Variants in CABIN1 observed in about 807,000 individuals in gnomAD.
The protein encoded by CABIN1 is calcineurin binding protein 1.
A neutral mutation model predicts 227.7 loss-of-function variants in CABIN1; 133 were observed. That is an observed-to-expected ratio of 0.58 (90% CI 0.51 to 0.67). The LOEUF (loss-of-function observed/expected upper bound fraction) is 0.67. Ranked by LOEUF, CABIN1 falls within the 30% of genes least tolerant of loss-of-function variation. The pLI, the probability that CABIN1 is intolerant of heterozygous loss-of-function variation, is 0.00. For missense variants in CABIN1, 2,408 were observed against 2,852.5 expected, an observed-to-expected ratio of 0.84 and a Z score of 3.55; for synonymous variants, 1,086 against 1,155.1, an observed-to-expected ratio of 0.94 and a Z score of 1.21.
chr22:24,074,339 AAAAG>A (rs1569171480), intron 18 of CABIN1, among the ~76,000 whole-genome samples: 1 of 152,216 alleles, frequency 6.6e-6, no homozygotes, highest in Non-Finnish European at 1.5e-5. Flanking sequence ...TTGGAAAGGA[AAAAG>A]AAAGAAAAGA....
At chr22:24,114,053 C>T (rs2042949414) in intron 27 of CABIN1, among the ~76,000 whole-genome samples, 1 of 145,470 alleles carries the variant, frequency 6.9e-6, no homozygotes, top group African/African-American at 2.7e-5. Flanking sequence ...TCAGTGTGCT[C>T]TGTTTTTGTT....
chr22:24,143,464 G>A (rs922362704), intron 29 of CABIN1, among the ~76,000 whole-genome samples: 3 of 152,214 alleles, frequency 2.0e-5, no homozygotes, highest in Non-Finnish European at 4.4e-5. Flanking sequence ...CCCCCTTTTG[G>A]TGTGGCTCCA....
intron 15 of CABIN1, among the ~76,000 whole-genome samples, chr22:24,064,799 C>T (rs2039486995): frequency 6.6e-6 from 1 of 152,024 alleles, no homozygotes; most frequent in Non-Finnish European, 1.5e-5. Flanking sequence ...CCTGAGTGGA[C>T]ACAGCACATG....
intron 29 of CABIN1, among the ~76,000 whole-genome samples, chr22:24,150,315 T>C (rs1440522613): frequency 6.6e-6 from 1 of 152,142 alleles, no homozygotes; most frequent in Non-Finnish European, 1.5e-5. Context: ...GCTTGGGAGC[T>C]CTCCTGGAGG....
intron 20 of CABIN1, among the ~76,000 whole-genome samples, chr22:24,084,169 T>C (rs747162332): frequency 1.3e-5 from 2 of 152,212 alleles, no homozygotes; most frequent in Non-Finnish European, 2.9e-5. Flanking sequence ...TGGTTTCTAA[T>C]GTCTGTCTTT....
intron 12 of CABIN1, among the ~76,000 whole-genome samples, chr22:24,060,826 G>A (rs904700157): frequency 5.3e-5 from 8 of 152,168 alleles, no homozygotes; most frequent in African/African-American, 1.7e-4. Context: ...TGTGAACCCG[G>A]GAGGCGGAGC....
intron 28 of CABIN1, among the ~76,000 whole-genome samples, chr22:24,133,190 G>T (rs1259922470): frequency 1.3e-5 from 2 of 152,206 alleles, no homozygotes; most frequent in Non-Finnish European, 2.9e-5. Flanking sequence ...CCAGTGTTCA[G>T]GAGCAGCCCT....
rs2046815561 is a variant in CABIN1, at chr22:24,171,606, A to G, written c.5758-107A>G. On this transcript the variant is annotated intron_variant, in intron 33 of 36. Transcript: ENST00000263119. ...CCATATGGGCAGTGTTGGCAGCCCC[A>G]GGCGCACAGGATGTCCTGTGGGACA... 3.7e-6 allele frequency: 5 copies of G among 1,333,472 alleles called. No homozygotes were observed. In the Admixed American group the frequency reaches 5.3e-5, roughly 14 times the overall value. 82.6% of individuals were successfully genotyped at this position (1,333,472 alleles called of 1,614,324 possible). A position where few individuals can be genotyped will look rare whatever the true frequency, so the allele number is the denominator to read the frequency against.
At chr22:24,028,026 C>T (rs1246956082) in intron 1 of CABIN1, among the ~76,000 whole-genome samples, 1 of 151,432 alleles carries the variant, frequency 6.6e-6, no homozygotes, top group Admixed American at 6.6e-5. Context: ...GAATATCTAT[C>T]ACAATAAAGC....
chr22:24,096,788 A>G (rs1360247156), intron 25 of CABIN1, among the ~76,000 whole-genome samples: 1 of 152,216 alleles, frequency 6.6e-6, no homozygotes, highest in African/African-American at 2.4e-5. Context: ...CAGGGTCACC[A>G]CCTGCCAGCT....
At chr22:24,066,891 C>A in intron 15 of CABIN1, 96 bp from the exon 16 acceptor site, 2 of 1,169,446 alleles carry the variant, frequency 1.7e-6, no homozygotes, top group East Asian at 2.4e-5. Context: ...TTTTTATTCT[C>A]CTCATCCAAG....
intron 1 of CABIN1, among the ~76,000 whole-genome samples, chr22:24,028,376 T>G (rs910330163): frequency 1.3e-5 from 2 of 152,188 alleles, no homozygotes; most frequent in Non-Finnish European, 2.9e-5. Flanking sequence ...ATGAGAATGC[T>G]CCTCCTCGTA....
chr22:24,165,506 C>CT, intron 30 of CABIN1, 24 bp from the exon 31 acceptor site: 1 of 1,605,478 alleles, frequency 6.2e-7, no homozygotes, highest in Non-Finnish European at 8.5e-7. Flanking sequence ...CCTGTCCTCT[C>CT]TGACTACCCC....
chr22:24,050,936 G>C lies in CABIN1; in HGVS notation c.768G>C (p.Glu256Asp). The change falls in exon 8 of 37, where the codon GAG becomes GAC. Residue 256 changes from glutamate (E) to aspartate (D), a missense_variant. By Grantham distance (45) the Glu-to-Asp change is conservative (BLOSUM62 2). Around this residue, in one of 3 missense-constraint regions of CABIN1, gnomAD observed 1,045 missense variants for 1,168.4 expected, o/e 0.89. Coordinates refer to ENST00000263119, the MANE Select transcript of CABIN1 (RefSeq NM_012295.4). ...AAGCGCTGATTGTGCGGGAGAAGGA[G>C]CCGGACCTGAAACTTGTGCAGCCCA... ...KRQALIVREK[E>D]PDLKLVQPIP... 2 of 1,614,240 alleles carry C rather than the reference G, an allele frequency of 1.2e-6. No individual in the cohort carries two copies. The highest frequency in any genetic ancestry group is 1.7e-6 in the Non-Finnish European group (2 of 1,180,038).
Position 24,070,966 on chromosome 22 carries a change from C to T in CABIN1, c.2399C>T (p.Ala800Val), listed in dbSNP as rs746058235. Residue 800 changes from alanine to valine, a missense_variant, in exon 17 of 37, where the codon GCG becomes GTG. Around this residue, in one of 3 missense-constraint regions of CABIN1, gnomAD observed 1,045 missense variants for 1,168.4 expected, o/e 0.89. Transcript: ENST00000263119. ...ATGGGCATCGAGCAGGCCCTCTCTG[C>T]GGACAGCAGTGGTAGCATCCTGAAG... ...LLMGIEQALSADSSGSILKVS... is the reference protein window; with the variant it reads ...LLMGIEQALSVDSSGSILKVS... 1.1e-5 allele frequency: 17 copies of T among 1,614,220 alleles called. No individual in the cohort carries two copies. The highest frequency in any genetic ancestry group is 3.3e-5 in the Admixed American group (2 of 60,028).
intron 25 of CABIN1, 137 bp from the exon 26 acceptor site, chr22:24,097,877 C>A (rs1461220060): frequency 3.1e-5 from 34 of 1,097,570 alleles, no homozygotes; most frequent in Non-Finnish European, 1.8e-5. Flanking sequence ...TCTGTGACAC[C>A]AGGCAGATGG....
chr22:24,115,061 G>A (rs1251091639), intron 27 of CABIN1, among the ~76,000 whole-genome samples: 2 of 152,152 alleles, frequency 1.3e-5, no homozygotes, highest in African/African-American at 4.8e-5. Flanking sequence ...GTTTGGAATG[G>A]GAAGGAAAAA....
intron 25 of CABIN1, among the ~76,000 whole-genome samples, chr22:24,097,297 A>G (rs1360117412): frequency 6.6e-6 from 1 of 152,244 alleles, no homozygotes; most frequent in Non-Finnish European, 1.5e-5. Flanking sequence ...GTTAGCTACT[A>G]TTCACAGTTT....
chr22:24,045,804 A>G (rs946507230), intron 6 of CABIN1, among the ~76,000 whole-genome samples: 13 of 152,346 alleles, frequency 8.5e-5, no homozygotes, highest in African/African-American at 3.1e-4. Flanking sequence ...AAAAAGACAA[A>G]TAGGAACAGG....
Sources: allele counts gnomAD v4.1 joint callset (sites outside exome capture counted in the v4.1 genomes callset), GRCh38; gene constraint gnomAD v4.1.1; regional missense constraint gnomAD v4.1.1; transcripts MANE v1.5; gene names NCBI Gene and HGNC (gene_info 2026-07-23, HGNC 2026-07-21).